Variants in SIDT1 observed in about 807,000 individuals in gnomAD.
SIDT1 encodes SID1 transmembrane family, member 1.
In SIDT1, 101 loss-of-function variants were observed where a neutral mutation model predicts 107.5. The ratio of observed to expected loss-of-function variants is 0.94; its 90% CI spans 0.80 to 1.11. The LOEUF (loss-of-function observed/expected upper bound fraction) is 1.11. Among genes scored for constraint, SIDT1 ranks in the 50% least tolerant of loss-of-function variants. The pLI, the probability that SIDT1 is intolerant of heterozygous loss-of-function variation, is 0.00. For missense variants in SIDT1, 1,076 were observed against 1,058.2 expected (o/e 1.02, Z -0.23); for synonymous variants, 395 against 398.2 (o/e 0.99, Z 0.10).
chr3:113,608,431 C>A lies in SIDT1; in HGVS notation c.1615C>A (p.Pro539Thr), dbSNP rs764678383. Residue 539 changes from proline to threonine, a missense_variant, in exon 17 of 25, where the codon CCC (proline) becomes ACC (threonine). Coordinates refer to ENST00000264852, the MANE Select transcript of SIDT1 (RefSeq NM_017699.3). ...TCTCCTTTTTCAGGAGTACGGGATTCCCAAACACTTTGGTCTCTTCTACGC... is the reference window on the plus strand; with the variant it reads ...TCTCCTTTTTCAGGAGTACGGGATTACCAAACACTTTGGTCTCTTCTACGC... ...KDIFAVEYGI[P>T]KHFGLFYAMG... 2 of 1,612,882 alleles carry A rather than the reference C, an allele frequency of 1.2e-6. No homozygotes were observed. The highest frequency in any genetic ancestry group is 4.5e-5 in the East Asian group (2 of 44,888).
At position 113,532,854 on chromosome 3, in the gene SIDT1, G is replaced by C; in HGVS notation, c.-168G>C. 1 of 435,390 alleles carries C rather than the reference G, an allele frequency of 2.3e-6. No individual in the cohort carries two copies. The highest frequency in any genetic ancestry group is 3.9e-6 in the Non-Finnish European group (1 of 254,220). 27.0% of individuals were successfully genotyped at this position (435,390 alleles called of 1,614,324 possible). The stretch of plus-strand genomic sequence containing the variant: ...CAGGCGGCAGCATCAGTATTTGATC[G>C]GCCCTTCGTCAGCACGCTGCCAGCC... On this transcript the variant is annotated 5_prime_UTR_variant, in exon 1 of 25. Coordinates refer to ENST00000264852, the MANE Select transcript of SIDT1 (RefSeq NM_017699.3).
At chr3:113,547,092 A>C (rs1457673049) in intron 1 of SIDT1, among the ~76,000 whole-genome samples, 22 of 152,138 alleles carry the variant, frequency 1.4e-4, no homozygotes, top group Admixed American at 1.4e-3. Context: ...CTTCACAGAG[A>C]GCTAGAAGAG....
chr3:113,632,475 G>C (rs181509369), downstream of SIDT1, among the ~76,000 whole-genome samples: 871 of 152,272 alleles, frequency 5.7e-3, 12 homozygotes, highest in Non-Finnish European at 6.6e-3. Context: ...TGAGGAAACA[G>C]GACATATTTA....
rs1947048437 is a variant in SIDT1, at chr3:113,629,391, G to A, written c.*1683G>A. The A allele has an allele frequency of 6.6e-6, 1 of 152,110 alleles. No individual in the cohort carries two copies. Among genetic ancestry groups the A allele is most frequent in the Admixed American group, 6.5e-5 (1 of 15,270 alleles). 9.4% of individuals were successfully genotyped at this position (152,110 alleles called of 1,614,324 possible). A position where few individuals can be genotyped will look rare whatever the true frequency, so the allele number is the denominator to read the frequency against. Reference sequence around the variant, plus strand: ...AATCCAACATGTAAAAAACTTTTTGGCAGGGCACAGTGGCTCACGCCTGTA... The same window carrying A: ...AATCCAACATGTAAAAAACTTTTTGACAGGGCACAGTGGCTCACGCCTGTA... On this transcript the variant is annotated 3_prime_UTR_variant, in exon 25 of 25. Coordinates refer to ENST00000264852, the MANE Select transcript of SIDT1 (RefSeq NM_017699.3).
chr3:113,563,586 G>T lies in SIDT1; in HGVS notation c.223-2834G>T, dbSNP rs146892450. Among the ~76,000 whole-genome samples, 644 of 152,254 alleles carry T rather than the reference G, an allele frequency of 4.2e-3. 3 individuals carry two copies. Among genetic ancestry groups the T allele is most frequent in the African/African-American group, 0.014 (599 of 41,530 alleles). On this transcript the variant is annotated intron_variant, in intron 1 of 24. Transcript: ENST00000264852. The stretch of plus-strand genomic sequence containing the variant: ...TGCAATCCGTAAAATCCGGAACGTG[G>T]GTTCTTCTACAGATTTGTATTGCTG...
intron 4 of SIDT1, among the ~76,000 whole-genome samples, chr3:113,578,466 C>CAAA (rs1180260673): frequency 4.0e-5 from 3 of 75,118 alleles, no homozygotes; most frequent in South Asian, 9.1e-4. Context: ...GACTCTGTCT[C>CAAA]AAAAAAAAAA....
chr3:113,629,936 C>G (rs1472204340), downstream of SIDT1, among the ~76,000 whole-genome samples: 2 of 152,202 alleles, frequency 1.3e-5, no homozygotes, highest in African/African-American at 4.8e-5. Flanking sequence ...GTTGCTAATT[C>G]TTTCCACAGC....
intron 20 of SIDT1, among the ~76,000 whole-genome samples, chr3:113,618,432 T>C (rs762820409): frequency 1.3e-5 from 2 of 152,234 alleles, no homozygotes; most frequent in Non-Finnish European, 2.9e-5. Flanking sequence ...ACTCCTTTTG[T>C]TAAATATCAA....
chr3:113,605,122 C>CACTTTTTTTTTT, intron 14 of SIDT1, 146 bp downstream of exon 14: 1 of 306,994 alleles, frequency 3.3e-6, no homozygotes, highest in Non-Finnish European at 5.4e-6. Flanking sequence ...CTATTGCTTC[C>CACTTTTTTTTTT]TCTTTTTTTT....
Position 113,559,386 on chromosome 3 carries a change from G to C in SIDT1, c.223-7034G>C, listed in dbSNP as rs150773133. On this transcript the variant is annotated intron_variant, in intron 1 of 24. Transcript: ENST00000264852. The stretch of plus-strand genomic sequence containing the variant: ...GTGAGGCTTTACCTTTCTGATGAGT[G>C]TAAGTGCTGAATATCTTTTTACAGG... Among the ~76,000 whole-genome samples, 729 of 151,792 alleles carry C rather than the reference G, an allele frequency of 4.8e-3. 5 individuals are homozygous for C. Among genetic ancestry groups the C allele is most frequent in the African/African-American group, 0.017 (690 of 41,468 alleles).
intron 18 of SIDT1, 94 bp from the exon 19 acceptor site, chr3:113,611,991 GT>G: frequency 2.3e-6 from 2 of 861,766 alleles, no homozygotes; most frequent in East Asian, 2.5e-5. Flanking sequence ...GCACACAGCT[GT>G]TTTTGACTCC....
chr3:113,597,075 C>T (rs1451562367), intron 10 of SIDT1, among the ~76,000 whole-genome samples: 1 of 152,132 alleles, frequency 6.6e-6, no homozygotes, highest in Admixed American at 6.6e-5. Context: ...GTTTTCTTGT[C>T]CAGCTTTTTC....
chr3:113,594,833 T>C (rs560206116), intron 10 of SIDT1: 1 of 154,294 alleles, frequency 6.5e-6, no homozygotes, highest in South Asian at 2.0e-4. Flanking sequence ...GCTCTGGAAG[T>C]AGAGCCAAAA....
At chr3:113,616,968 G>A (rs1272479853) in intron 20 of SIDT1, among the ~76,000 whole-genome samples, 2 of 152,130 alleles carry the variant, frequency 1.3e-5, no homozygotes, top group Non-Finnish European at 2.9e-5. Context: ...GATTACAGAC[G>A]TGAGCCACCG....
intron 18 of SIDT1, 45 bp downstream of exon 18, chr3:113,611,189 C>A: frequency 1.3e-6 from 2 of 1,596,288 alleles, no homozygotes; most frequent in Non-Finnish European, 1.7e-6. Context: ...AAAGTGCCCC[C>A]CTAGGTCCAA....
chr3:113,541,239 T>C (rs1938824304), intron 1 of SIDT1, among the ~76,000 whole-genome samples: 1 of 152,022 alleles, frequency 6.6e-6, no homozygotes. Context: ...GTATGATCTC[T>C]GCTCACTGCA....
chr3:113,564,851 T>A (rs570792012), intron 1 of SIDT1, among the ~76,000 whole-genome samples: 2 of 152,278 alleles, frequency 1.3e-5, no homozygotes, highest in Admixed American at 1.3e-4. Flanking sequence ...TGGAAACATG[T>A]AGAGTGTAGG....
In SIDT1 at chr3:113,542,902, T is replaced by TTGTG. The variant is rs71625216; in HGVS notation, c.222+9693_222+9696dup. Among the ~76,000 whole-genome samples the TTGTG allele has an allele frequency of 7.0e-3, 1,014 of 145,230 alleles. 6 individuals carry two copies. The highest frequency in any genetic ancestry group is 0.01 in the South Asian group (45 of 4,406). ...AGACTTTTAATTAGTTTTTGCTTGG[T>TTGTG]TGTGTGTGTGTGTGTGTGTGTGTGT... On this transcript the variant is annotated intron_variant, in intron 1 of 24. Coordinates refer to ENST00000264852, the MANE Select transcript of SIDT1 (RefSeq NM_017699.3).
intron 1 of SIDT1, among the ~76,000 whole-genome samples, chr3:113,554,238 T>G (rs1940592393): frequency 1.3e-5 from 2 of 152,184 alleles, no homozygotes; most frequent in Admixed American, 6.5e-5. Context: ...ATGGAACAAC[T>G]GCTCTTTAGG....
Sources: gnomAD v4.1 joint callset for allele counts (sites outside exome capture counted in the v4.1 genomes callset) on GRCh38, gnomAD v4.1.1 for gene constraint, MANE v1.5 for transcripts, NCBI Gene and HGNC (gene_info 2026-07-23, HGNC 2026-07-21) for gene names.